Variants in KHDRBS1 observed in about 807,000 individuals in gnomAD.
KHDRBS1 encodes the protein KH domain-containing, RNA-binding, signal transduction-associated protein 1.
Under a neutral mutation model 48.4 loss-of-function variants are expected in KHDRBS1, and 7 were observed. That is an observed-to-expected ratio of 0.14 (90% CI 0.08 to 0.27). The LOEUF (loss-of-function observed/expected upper bound fraction) is 0.27. KHDRBS1 is among the 10% of genes least tolerant of loss of function. KHDRBS1 has a pLI of 1.00. For missense variants in KHDRBS1, 458 were observed against 601.2 expected (o/e 0.76, Z 2.49); for synonymous variants, 241 against 235.8 (o/e 1.02, Z -0.20).
At chr1:32,053,687 C>T (rs1639448639) in intron 10 of KHDRBS1, among the ~76,000 whole-genome samples, 1 of 152,200 alleles carries the variant, frequency 6.6e-6, no homozygotes, top group Non-Finnish European at 1.5e-5. Context: ...AGACTACTTT[C>T]AAATTCTGCC....
Position 32,014,183 on chromosome 1 carries a change from C to G in KHDRBS1, c.188C>G (p.Pro63Arg). The change falls in exon 1 of 9, where the codon CCG (proline) becomes CGG (arginine). Residue 63 changes from proline (P) to arginine (R), a missense_variant. Pro to Arg is a moderately radical substitution (Grantham distance 103). Transcript: ENST00000327300. ...GGARASPATQ[P>R]PPLLPPSATG... ...GCCCGGGCCTCGCCCGCCACGCAGC[C>G]GCCACCGCTGCTGCCGCCCTCGGCC... The G allele has an allele frequency of 7.5e-7, 1 of 1,330,550 alleles. No individual in the cohort carries two copies. The highest frequency in any genetic ancestry group is 9.6e-7 in the Non-Finnish European group (1 of 1,036,980). The allele number at this position is 1,330,550 out of a possible 1,614,324, so 82.4% of individuals were successfully genotyped here. A position where few individuals can be genotyped will look rare whatever the true frequency, so the allele number is the denominator to read the frequency against.
At chr1:32,059,761 C>T (rs1639523798) in intron 10 of KHDRBS1, among the ~76,000 whole-genome samples, 1 of 152,044 alleles carries the variant, frequency 6.6e-6, no homozygotes, top group South Asian at 2.1e-4. Flanking sequence ...GATTTCCATT[C>T]TTCAAAAGAC....
At chr1:32,017,795 C>T (rs1466764153) in intron 1 of KHDRBS1, among the ~76,000 whole-genome samples, 4 of 151,496 alleles carry the variant, frequency 2.6e-5, no homozygotes, top group Non-Finnish European at 4.4e-5. Flanking sequence ...TTAGTAGAGA[C>T]GGGGTTTCTC....
At chr1:32,014,817 G>T (rs993466429) in intron 1 of KHDRBS1, among the ~76,000 whole-genome samples, 8 of 152,200 alleles carry the variant, frequency 5.3e-5, no homozygotes, top group Non-Finnish European at 1.0e-4. Flanking sequence ...GGGAGGGACC[G>T]TGGGAGGAAG....
At chr1:32,034,298 C>T (rs1639134014) in intron 4 of KHDRBS1, among the ~76,000 whole-genome samples, 1 of 152,228 alleles carries the variant, frequency 6.6e-6, no homozygotes, top group Non-Finnish European at 1.5e-5. Context: ...CACGGTGGCT[C>T]ACGCCTGTAA....
chr1:32,030,061 T>G (rs556582644), intron 1 of KHDRBS1, among the ~76,000 whole-genome samples: 8 of 152,352 alleles, frequency 5.3e-5, no homozygotes, highest in African/African-American at 1.9e-4. Context: ...TAAATGTCTC[T>G]GTTGTCATGG....
At chr1:32,016,529 A>G (rs1413199018) in intron 1 of KHDRBS1, among the ~76,000 whole-genome samples, 1 of 152,148 alleles carries the variant, frequency 6.6e-6, no homozygotes, top group African/African-American at 2.4e-5. Flanking sequence ...AAAAAAGTAT[A>G]TTTGAAAGTA....
chr1:32,042,802 A>T lies in KHDRBS1; in HGVS notation c.*178A>T, dbSNP rs961891657. The T allele has an allele frequency of 6.2e-6, 3 of 486,754 alleles. No homozygotes were observed. In the Middle Eastern group the frequency reaches 1.6e-3, roughly 252 times the overall value. The allele number at this position is 486,754 out of a possible 1,614,324, so 30.2% of individuals were successfully genotyped here. A position where few individuals can be genotyped will look rare whatever the true frequency, so the allele number is the denominator to read the frequency against. On this transcript the variant is annotated 3_prime_UTR_variant, in exon 9 of 9. Coordinates refer to ENST00000327300, the MANE Select transcript of KHDRBS1 (RefSeq NM_006559.3). Reference sequence around the variant, plus strand: ...CTTAACTCTGCATTCTGGCTTCTGTATGTAGTATTTTAAAATGAGTTAAAA... The same window carrying T: ...CTTAACTCTGCATTCTGGCTTCTGTTTGTAGTATTTTAAAATGAGTTAAAA...
At chr1:32,028,060 T>C (rs564546328) in intron 1 of KHDRBS1, among the ~76,000 whole-genome samples, 2 of 152,342 alleles carry the variant, frequency 1.3e-5, no homozygotes, top group African/African-American at 2.4e-5. Context: ...GAGGTTCCAG[T>C]GAGCAGAGAT....
chr1:32,037,824 T>G lies in KHDRBS1; in HGVS notation c.906-11T>G. On this transcript the variant is annotated splice_polypyrimidine_tract_variant and intron_variant, in intron 5 of 8. Coordinates refer to ENST00000327300, the MANE Select transcript of KHDRBS1 (RefSeq NM_006559.3). ...AAAAAGCTCCATTTAAGATAAACTT[T>G]CATTTTGTAGGGGCCGTGGTGTTGG... The G allele has an allele frequency of 6.2e-7, 1 of 1,609,276 alleles. No homozygotes were observed. Among genetic ancestry groups the G allele is most frequent in the Admixed American group, 1.7e-5 (1 of 59,930 alleles).
intron 4 of KHDRBS1, among the ~76,000 whole-genome samples, chr1:32,033,708 T>C (rs536848805): frequency 2.0e-5 from 3 of 152,144 alleles, no homozygotes; most frequent in Non-Finnish European, 4.4e-5. Context: ...CTAAGGTGGG[T>C]CTCTGCACTC....
Position 32,013,921 on chromosome 1 carries a change from C to A in KHDRBS1, c.-75C>A. The A allele has an allele frequency of 7.6e-7, 1 of 1,314,046 alleles. No homozygotes were observed. Among genetic ancestry groups the A allele is most frequent in the Non-Finnish European group, 9.7e-7 (1 of 1,025,862 alleles). The allele number at this position is 1,314,046 out of a possible 1,614,324, so 81.4% of individuals were successfully genotyped here. A position where few individuals can be genotyped will look rare whatever the true frequency, so the allele number is the denominator to read the frequency against. On this transcript the variant is annotated 5_prime_UTR_variant, in exon 1 of 9. Coordinates refer to ENST00000327300, the MANE Select transcript of KHDRBS1 (RefSeq NM_006559.3). Reference sequence around the variant, plus strand: ...GGTCGCTACCGCTCCCGCTCTGCCACCCCCGCCAACCGCCGCTCGGGCCTC... The same window carrying A: ...GGTCGCTACCGCTCCCGCTCTGCCAACCCCGCCAACCGCCGCTCGGGCCTC...
intron 1 of KHDRBS1, among the ~76,000 whole-genome samples, chr1:32,019,531 A>G (rs1339425702): frequency 6.6e-6 from 1 of 152,028 alleles, no homozygotes; most frequent in Non-Finnish European, 1.5e-5. Flanking sequence ...CTCAATCTCA[A>G]AAAAAAACAA....
At chr1:32,016,676 G>A (rs527859163) in intron 1 of KHDRBS1, among the ~76,000 whole-genome samples, 9 of 152,218 alleles carry the variant, frequency 5.9e-5, no homozygotes, top group African/African-American at 2.2e-4. Context: ...GAGACCCTGA[G>A]CACTCTTCCT....
intron 3 of KHDRBS1, 98 bp downstream of exon 3, chr1:32,031,738 G>C: frequency 1.4e-6 from 1 of 698,584 alleles, no homozygotes; most frequent in East Asian, 2.7e-5. Context: ...AATTTTGTAT[G>C]TGTACAGAAT....
At chr1:32,052,376 T>C (rs1174734610) in intron 10 of KHDRBS1, 3 of 151,600 alleles carry the variant, frequency 2.0e-5, no homozygotes, top group African/African-American at 7.3e-5. Context: ...GAAAAAAAGC[T>C]GCCAATTAAA....
intron 1 of KHDRBS1, among the ~76,000 whole-genome samples, chr1:32,017,252 C>A (rs886871137): frequency 2.0e-5 from 3 of 148,586 alleles, no homozygotes; most frequent in Non-Finnish European, 4.4e-5. Flanking sequence ...AGCAAGACTC[C>A]GTCTCAAAAA....
chr1:32,045,032 C>T (rs1295506915), downstream of KHDRBS1, among the ~76,000 whole-genome samples: 2 of 152,158 alleles, frequency 1.3e-5, no homozygotes, highest in Non-Finnish European at 2.9e-5. Flanking sequence ...TGAACTGTAA[C>T]GTAACCTGGG....
chr1:32,014,101 C>G lies in KHDRBS1; in HGVS notation c.106C>G (p.Arg36Gly). Reference sequence around the variant, plus strand: ...CCCCTCGGTGCGTCAGACGCCGTCTCGGCAGCCGCCGCTGCCTCACCGGTC... The same window carrying G: ...CCCCTCGGTGCGTCAGACGCCGTCTGGGCAGCCGCCGCTGCCTCACCGGTC... ...AHPSVRQTPS[R>G]QPPLPHRSRG... The change falls in exon 1 of 9, where the codon CGG becomes GGG. Residue 36 changes from arginine to glycine, a missense_variant. This residue lies in a region of KHDRBS1 where 213 missense variants were observed against 215.6 expected (regional missense o/e 0.99). Transcript: ENST00000327300. The G allele has an allele frequency of 7.0e-7, 1 of 1,435,804 alleles. No homozygotes were observed. Among genetic ancestry groups the G allele is most frequent in the Non-Finnish European group, 9.1e-7 (1 of 1,096,486 alleles). 88.9% of individuals were successfully genotyped at this position (1,435,804 alleles called of 1,614,324 possible). A position where few individuals can be genotyped will look rare whatever the true frequency, so the allele number is the denominator to read the frequency against.
Sources: allele counts gnomAD v4.1 joint callset (sites outside exome capture counted in the v4.1 genomes callset), GRCh38; gene constraint gnomAD v4.1.1; regional missense constraint gnomAD v4.1.1; transcripts MANE v1.5; gene names NCBI Gene and HGNC (gene_info 2026-07-23, HGNC 2026-07-21).